The following PAK1 variants were observed in gnomAD, a reference collection of about 807,000 sequenced individuals.
The protein encoded by PAK1 is p21 (RAC1) activated kinase 1.
In PAK1, 29 loss-of-function variants were observed where a neutral mutation model predicts 67.4. That is an observed-to-expected ratio of 0.43 (90% confidence interval 0.32 to 0.59). PAK1 has a LOEUF of 0.59. Among genes scored for constraint, PAK1 ranks in the 20% least tolerant of loss-of-function variants. PAK1 has a pLI of 0.07. For synonymous variants in PAK1, 223 were observed against 237.4 expected, an observed-to-expected ratio of 0.94 and a Z score of 0.56; for missense variants, 337 against 670.7, an observed-to-expected ratio of 0.50 and a Z score of 5.50.
At chr11:77,352,579 A>T (rs1463517139) in intron 8 of PAK1, among the ~76,000 whole-genome samples, 1 of 152,194 alleles carries the variant, frequency 6.6e-6, no homozygotes, top group African/African-American at 2.4e-5. Flanking sequence ...CGTACACAGT[A>T]ATGTCCTAGG....
chr11:77,385,950 T>C (rs1950399083), intron 2 of PAK1, among the ~76,000 whole-genome samples: 1 of 152,206 alleles, frequency 6.6e-6, no homozygotes. Context: ...TAAAAAACTG[T>C]TAGGTTTCTC....
chr11:77,441,593 A>C (rs925134518), intron 1 of PAK1, among the ~76,000 whole-genome samples: 1 of 152,186 alleles, frequency 6.6e-6, no homozygotes, highest in Non-Finnish European at 1.5e-5. Context: ...GCTCCACTTC[A>C]AAGCCCTAGT....
chr11:77,454,005 A>C (rs1323891405), intron 1 of PAK1, among the ~76,000 whole-genome samples: 1 of 152,188 alleles, frequency 6.6e-6, no homozygotes, highest in Non-Finnish European at 1.5e-5. Context: ...TTGAAGCTGC[A>C]GTGAACTATG....
rs535191466 is a variant in PAK1, at chr11:77,470,328, T to TC, written c.-22+3223dup. ...GGAAACAAATAGAAAGGCAGCTTTC[T>TC]CCCCCCCTTTATGATCATATACCAC... On this transcript the variant is annotated intron_variant, in intron 1 of 14. Transcript: ENST00000356341. 8.5e-5 allele frequency among the ~76,000 whole-genome samples: 13 copies of TC among 152,196 alleles called. No individual in the cohort carries two copies. In the South Asian group the frequency reaches 2.3e-3, roughly 27 times the overall value.
chr11:77,478,802 C>T (rs1446315401), upstream of PAK1, among the ~76,000 whole-genome samples: 12 of 150,968 alleles, frequency 7.9e-5, no homozygotes, highest in African/African-American at 2.9e-4. Flanking sequence ...CTAGGCCAGG[C>T]GCAGTGGCTC....
chr11:77,508,226 T>A, the PAK1 span, among the ~76,000 whole-genome samples: 7 of 152,368 alleles, frequency 4.6e-5, no homozygotes, highest in African/African-American at 1.4e-4. Flanking sequence ...GAGATACTAC[T>A]GCCTACCTCC....
At chr11:77,514,221 C>T in the PAK1 span, among the ~76,000 whole-genome samples, 28 of 152,264 alleles carry the variant, frequency 1.8e-4, no homozygotes, top group African/African-American at 6.0e-4. Context: ...CAGTCGGGCA[C>T]GGTGGCTAAC....
chr11:77,485,172 G>A, the PAK1 span, among the ~76,000 whole-genome samples: 1 of 152,196 alleles, frequency 6.6e-6, no homozygotes, highest in Non-Finnish European at 1.5e-5. Context: ...GGAAAGAGTA[G>A]CGGGGTAGAG....
chr11:77,354,013 T>C (rs983178109), intron 7 of PAK1, among the ~76,000 whole-genome samples: 1 of 151,628 alleles, frequency 6.6e-6, no homozygotes, highest in African/African-American at 2.4e-5. Flanking sequence ...ATAATTGCTG[T>C]GATAAAAGCC....
intron 1 of PAK1, among the ~76,000 whole-genome samples, chr11:77,401,127 C>T (rs1952624381): frequency 6.6e-6 from 1 of 152,242 alleles, no homozygotes; most frequent in Non-Finnish European, 1.5e-5. Flanking sequence ...CAGCTCACAG[C>T]AGCTGCAACT....
At chr11:77,451,920 T>C (rs1956876270) in intron 1 of PAK1, among the ~76,000 whole-genome samples, 1 of 152,194 alleles carries the variant, frequency 6.6e-6, no homozygotes, top group Non-Finnish European at 1.5e-5. Context: ...TGTCTTTTGC[T>C]ACAGGAGCCT....
chr11:77,365,122 C>G (rs1256084866), intron 5 of PAK1, among the ~76,000 whole-genome samples: 1 of 151,586 alleles, frequency 6.6e-6, no homozygotes, highest in African/African-American at 2.4e-5. Flanking sequence ...TGCGGTGGCA[C>G]GTGCCTGTTG....
intron 1 of PAK1, among the ~76,000 whole-genome samples, chr11:77,430,003 A>G (rs1955786761): frequency 6.6e-6 from 1 of 152,222 alleles, no homozygotes; most frequent in Non-Finnish European, 1.5e-5. Flanking sequence ...ACAGATGATG[A>G]AGATCTAGAA....
chr11:77,361,202 T>A (rs943008136), intron 5 of PAK1, among the ~76,000 whole-genome samples: 1 of 152,162 alleles, frequency 6.6e-6, no homozygotes, highest in East Asian at 1.9e-4. Context: ...GGTGGGGAGA[T>A]ACTATTTTAG....
chr11:77,359,431 A>T (rs1946478775), intron 5 of PAK1, among the ~76,000 whole-genome samples: 2 of 152,168 alleles, frequency 1.3e-5, no homozygotes, highest in African/African-American at 4.8e-5. Flanking sequence ...AAAATTCATC[A>T]CTATAATTTC....
the PAK1 span, among the ~76,000 whole-genome samples, chr11:77,514,632 T>C: frequency 6.6e-6 from 1 of 152,190 alleles, no homozygotes; most frequent in Admixed American, 6.5e-5. Context: ...TCTACATTTA[T>C]GAAAATCTGC....
At chr11:77,479,084 C>CAA (rs757138155), upstream of PAK1, among the ~76,000 whole-genome samples, 1,816 of 88,664 alleles carry the variant, frequency 0.02, 18 homozygotes, top group Middle Eastern at 0.059. Flanking sequence ...GACTCCGTCT[C>CAA]AAAAAAAAAA....
chr11:77,487,210 A>C, the PAK1 span, among the ~76,000 whole-genome samples: 1 of 152,154 alleles, frequency 6.6e-6, no homozygotes, highest in Admixed American at 6.5e-5. Context: ...GCCAGAAGGG[A>C]ACATGCTGCC....
At chr11:77,445,096 A>G (rs901540900) in intron 1 of PAK1, among the ~76,000 whole-genome samples, 3 of 152,220 alleles carry the variant, frequency 2.0e-5, no homozygotes, top group Non-Finnish European at 4.4e-5. Context: ...CTAATCCAAT[A>G]TAATTGGTGT....
Sources: gnomAD v4.1 joint callset for allele counts (sites outside exome capture counted in the v4.1 genomes callset) on GRCh38, gnomAD v4.1.1 for gene constraint, MANE v1.5 for transcripts, NCBI Gene and HGNC (gene_info 2026-07-23, HGNC 2026-07-21) for gene names.